The following SIMC1 variants were observed in gnomAD, a reference collection of about 807,000 sequenced individuals.
SIMC1 encodes SUMO-interacting motif-containing protein 1.
A neutral mutation model predicts 82.3 loss-of-function variants in SIMC1; 55 were observed. The observed-to-expected ratio is 0.67, with a 90% CI of 0.54 to 0.84. The LOEUF is 0.84. Ranked by LOEUF, SIMC1 falls within the 40% of genes least tolerant of loss-of-function variation. The pLI is 0.00. For missense variants in SIMC1, 915 were observed against 1,107.2 expected, an observed-to-expected ratio of 0.83 and a Z score of 2.46; for synonymous variants, 353 against 426.3, an observed-to-expected ratio of 0.83 and a Z score of 2.12.
In SIMC1 at chr5:176,344,445, C is replaced by G. The variant is rs376121855; in HGVS notation, c.2414-738C>G. Among the ~76,000 whole-genome samples, 7 of 150,950 alleles carry G rather than the reference C, an allele frequency of 4.6e-5. No homozygotes were observed. In the East Asian group the frequency reaches 7.8e-4, roughly 17 times the overall value. On this transcript the variant is annotated intron_variant, in intron 9 of 9. Coordinates refer to ENST00000429602, the MANE Select transcript of SIMC1 (RefSeq NM_001308195.2). ...CAGCACTTTGGGAGGCCGAGGCTTG[C>G]GGATCACTTGAGGTCAGGAGTATAC...
At chr5:176,282,140 C>T (rs1449968514) in intron 1 of SIMC1, among the ~76,000 whole-genome samples, 4 of 152,176 alleles carry the variant, frequency 2.6e-5, no homozygotes, top group South Asian at 2.1e-4. Context: ...CAATGGCGGG[C>T]GCCCCTCCTG....
rs1342739506 is a variant in SIMC1, at chr5:176,345,222, T to C, written c.2453T>C (p.Ile818Thr). The change falls in exon 10 of 10, where the codon ATA (isoleucine) becomes ACA (threonine). Residue 818 changes from isoleucine to threonine, a missense_variant. Ile to Thr is a moderately conservative substitution (Grantham distance 89). This residue lies in a region of SIMC1 where 902 missense variants were observed against 1,040.3 expected (regional missense o/e 0.87). Transcript: ENST00000429602. Reference sequence around the variant, plus strand: ...TCCGTGATCGACCGAAAGGACTTAATAATCAAAAGGATTAAGCCCAAACCC... The same window carrying C: ...TCCGTGATCGACCGAAAGGACTTAACAATCAAAAGGATTAAGCCCAAACCC... ...RSSVIDRKDL[I>T]IKRIKPKPQQ... The C allele has an allele frequency of 6.2e-7, 1 of 1,613,994 alleles. No individual in the cohort carries two copies. Among genetic ancestry groups the C allele is most frequent in the Non-Finnish European group, 8.5e-7 (1 of 1,179,880 alleles).
chr5:176,335,765 A>G (rs1765863576), intron 7 of SIMC1, among the ~76,000 whole-genome samples: 1 of 152,120 alleles, frequency 6.6e-6, no homozygotes, highest in Non-Finnish European at 1.5e-5. Context: ...TACTATGGCC[A>G]GACACAGTGG....
intron 1 of SIMC1, among the ~76,000 whole-genome samples, chr5:176,255,564 A>G (rs991876500): frequency 1.3e-4 from 19 of 143,880 alleles, no homozygotes; most frequent in African/African-American, 4.9e-4. Flanking sequence ...CCTGGGTGAC[A>G]GAGTGAGACT....
chr5:176,306,228 G>A (rs1157899276), intron 4 of SIMC1, among the ~76,000 whole-genome samples: 2 of 77,094 alleles, frequency 2.6e-5, no homozygotes, highest in African/African-American at 4.4e-5. Flanking sequence ...CTGCCCGGCC[G>A]CCCCTACTGG....
At chr5:176,286,979 A>G (rs1355581692) in intron 1 of SIMC1, among the ~76,000 whole-genome samples, 1 of 152,218 alleles carries the variant, frequency 6.6e-6, no homozygotes, top group Non-Finnish European at 1.5e-5. Flanking sequence ...TCAGGAAACG[A>G]CAGGTGCTTG....
At chr5:176,310,129 G>A (rs1319253469) in intron 4 of SIMC1, among the ~76,000 whole-genome samples, 1 of 152,080 alleles carries the variant, frequency 6.6e-6, no homozygotes, top group Admixed American at 6.6e-5. Flanking sequence ...TATCTGAATG[G>A]CTAAAGAAAA....
intron 4 of SIMC1, among the ~76,000 whole-genome samples, chr5:176,303,689 G>A (rs1251886036): frequency 6.6e-6 from 1 of 152,118 alleles, no homozygotes; most frequent in Non-Finnish European, 1.5e-5. Context: ...AAAATATAAA[G>A]CTACAGTACT....
chr5:176,339,323 C>A lies in SIMC1; in HGVS notation c.2413+2177C>A, dbSNP rs552657603. Among the ~76,000 whole-genome samples the A allele has an allele frequency of 9.2e-5, 14 of 152,178 alleles. No individual in the cohort carries two copies. The South Asian group carries it at 2.5e-3, about 27-fold the overall frequency. On this transcript the variant is annotated intron_variant, in intron 9 of 9. Transcript: ENST00000429602. ...AGGTTGCAGTGAGCCAAGATCGTAC[C>A]ACTACACTCCAGCCCTGGCGACAGA...
At chr5:176,308,391 C>A in intron 4 of SIMC1, 1 of 1,603,366 alleles carries the variant, frequency 6.2e-7, no homozygotes, top group Non-Finnish European at 8.5e-7. Context: ...GTTGGCTGAA[C>A]TGACAGGCCA....
At chr5:176,273,582 A>C (rs1330285815) in intron 1 of SIMC1, among the ~76,000 whole-genome samples, 2 of 152,132 alleles carry the variant, frequency 1.3e-5, no homozygotes, top group African/African-American at 2.4e-5. Context: ...TATACATGTG[A>C]CATGCTGGTG....
At chr5:176,271,382 A>G (rs1447588318) in intron 1 of SIMC1, among the ~76,000 whole-genome samples, 2 of 152,136 alleles carry the variant, frequency 1.3e-5, no homozygotes, top group African/African-American at 4.8e-5. Context: ...GTATGAGTAG[A>G]TAATTTAAGT....
Position 176,336,866 on chromosome 5 carries a change from T to G in SIMC1, c.2318T>G (p.Leu773Arg), listed in dbSNP as rs1765922002. Residue 773 changes from leucine (L) to arginine (R), a missense_variant, in exon 8 of 10, where the codon CTC becomes CGC. Leu to Arg is a moderately radical substitution (Grantham distance 102, BLOSUM62 -2). Coordinates refer to ENST00000429602, the MANE Select transcript of SIMC1 (RefSeq NM_001308195.2). Reference sequence around the variant, plus strand: ...TTTCTGAATAATTCTACGTCACTGCTCAAGTGTCAGGTACATTTTTTCCTG... The same window carrying G: ...TTTCTGAATAATTCTACGTCACTGCGCAAGTGTCAGGTACATTTTTTCCTG... The part of the protein sequence containing the change: ...LYFLNNSTSL[L>R]KCQSDKSQWQ... 1 of 1,613,966 alleles carries G rather than the reference T, an allele frequency of 6.2e-7. No homozygotes were observed. The highest frequency in any genetic ancestry group is 8.5e-7 in the Non-Finnish European group (1 of 1,179,890).
At chr5:176,298,800 G>GT (rs1763925042) in intron 4 of SIMC1, among the ~76,000 whole-genome samples, 2 of 152,194 alleles carry the variant, frequency 1.3e-5, no homozygotes, top group Admixed American at 1.3e-4. Context: ...GTAACTTCAA[G>GT]TAAGATATCT....
At chr5:176,334,699 C>A (rs1483078086) in intron 7 of SIMC1, among the ~76,000 whole-genome samples, 4 of 152,224 alleles carry the variant, frequency 2.6e-5, no homozygotes, top group Non-Finnish European at 5.9e-5. Context: ...CCCCTCTCTT[C>A]TATTTTAGAC....
chr5:176,268,886 C>A (rs1254760205), intron 1 of SIMC1, among the ~76,000 whole-genome samples: 1 of 152,156 alleles, frequency 6.6e-6, no homozygotes, highest in Non-Finnish European at 1.5e-5. Flanking sequence ...CCTAAGTACA[C>A]AAGGAAGATT....
At chr5:176,294,985 A>G in intron 2 of SIMC1, 45 bp from the exon 3 acceptor site, 2 of 1,523,894 alleles carry the variant, frequency 1.3e-6, no homozygotes, top group South Asian at 1.3e-5. Flanking sequence ...AAAAAAAAAA[A>G]AGAAAAGAAA....
chr5:176,279,905 A>G (rs954767083), intron 1 of SIMC1, among the ~76,000 whole-genome samples: 5 of 152,020 alleles, frequency 3.3e-5, no homozygotes, highest in Non-Finnish European at 2.9e-5. Context: ...TATGTGGTCA[A>G]TTTTGGAATA....
At chr5:176,277,035 A>T (rs1403125195) in intron 1 of SIMC1, among the ~76,000 whole-genome samples, 1 of 151,188 alleles carries the variant, frequency 6.6e-6, no homozygotes, top group Non-Finnish European at 1.5e-5. Flanking sequence ...TGACTTCCAC[A>T]ATGGTTGAAC....
Sources: gnomAD v4.1 joint callset for allele counts (sites outside exome capture counted in the v4.1 genomes callset) on GRCh38, gnomAD v4.1.1 for gene constraint, gnomAD v4.1.1 regional missense constraint, MANE v1.5 for transcripts, NCBI Gene and HGNC (gene_info 2026-07-23, HGNC 2026-07-21) for gene names.